Variants in FGGY observed in about 807,000 individuals in gnomAD.
FGGY encodes FGGY carbohydrate kinase domain containing, also known as FGGY carbohydrate kinase domain-containing protein.
Under a neutral mutation model 71.3 loss-of-function variants are expected in FGGY, and 72 were observed. The ratio of observed to expected loss-of-function variants is 1.01; its 90% CI spans 0.84 to 1.23. FGGY has a LOEUF of 1.23. Ranked by LOEUF, FGGY falls within the 50% of genes most tolerant of loss-of-function variation. FGGY has a pLI of 0.00. For missense variants in FGGY, 668 were observed against 682.3 expected, an observed-to-expected ratio of 0.98 and a Z score of 0.23; for synonymous variants, 251 against 250.3, an observed-to-expected ratio of 1.00 and a Z score of -0.02.
chr1:59,653,726 G>C (rs182078314), intron 11 of FGGY, among the ~76,000 whole-genome samples: 1 of 152,206 alleles, frequency 6.6e-6, no homozygotes, highest in Non-Finnish European at 1.5e-5. Flanking sequence ...CGTTGCTCAC[G>C]CTGGGAGCTG....
chr1:59,442,834 C>T (rs2070283725), intron 5 of FGGY, among the ~76,000 whole-genome samples: 1 of 152,154 alleles, frequency 6.6e-6, no homozygotes, highest in South Asian at 2.1e-4. Context: ...TCGTCCAACA[C>T]TTTTGTATTT....
chr1:59,421,764 G>T (rs1169111011), intron 5 of FGGY, among the ~76,000 whole-genome samples: 2 of 152,156 alleles, frequency 1.3e-5, no homozygotes, highest in Non-Finnish European at 2.9e-5. Context: ...TTTAGGGCAT[G>T]CCTTGACCTC....
At chr1:59,384,858 G>A (rs1202570773) in intron 5 of FGGY, among the ~76,000 whole-genome samples, 1 of 152,190 alleles carries the variant, frequency 6.6e-6, no homozygotes, top group Admixed American at 6.5e-5. Context: ...TAAGGAAGAT[G>A]AGGGTCTGAA....
intron 14 of FGGY, among the ~76,000 whole-genome samples, chr1:59,705,298 T>C (rs1448120691): frequency 6.6e-6 from 1 of 152,230 alleles, no homozygotes; most frequent in Non-Finnish European, 1.5e-5. Flanking sequence ...TCAGAATTTC[T>C]TGGAAATGTT....
At chr1:59,316,097 AG>A (rs1182819694) in intron 1 of FGGY, 1 of 152,222 alleles carries the variant, frequency 6.6e-6, no homozygotes, top group Non-Finnish European at 1.5e-5. Flanking sequence ...ATTAAGACTG[AG>A]GTGGGCAAGC....
At chr1:59,540,368 G>T (rs945635649) in intron 7 of FGGY, among the ~76,000 whole-genome samples, 3 of 152,176 alleles carry the variant, frequency 2.0e-5, no homozygotes, top group Admixed American at 2.0e-4. Flanking sequence ...TCAATGTTTG[G>T]TATATTCGTG....
intron 6 of FGGY, among the ~76,000 whole-genome samples, chr1:59,491,053 T>TCTTTCTTTCCCTCCCTCCCTC (rs1264370825): frequency 0.014 from 28 of 2,028 alleles, 3 homozygotes; most frequent in East Asian, 0.05. Context: ...CTTCCTTCCT[T>TCTTTCTTTCCCTCCCTCCCTC]CCTTCCTTCC....
chr1:59,758,946 G>GA (rs1035043230), intron 15 of FGGY, among the ~76,000 whole-genome samples: 21 of 152,266 alleles, frequency 1.4e-4, no homozygotes, highest in African/African-American at 4.8e-4. Flanking sequence ...ATGCAGATCA[G>GA]AAAAATCCCT....
intron 4 of FGGY, among the ~76,000 whole-genome samples, chr1:59,375,252 C>G (rs868388551): frequency 7.2e-6 from 1 of 138,802 alleles, no homozygotes; most frequent in Admixed American, 7.2e-5. Context: ...GAGTGAGACT[C>G]CATCTCAAAA....
chr1:59,671,369 C>T (rs1043724524), intron 13 of FGGY, among the ~76,000 whole-genome samples: 6 of 152,202 alleles, frequency 3.9e-5, no homozygotes, highest in Non-Finnish European at 8.8e-5. Flanking sequence ...AACAGTGTTT[C>T]CACCCCTGGG....
chr1:59,321,579 G>T lies in FGGY; in HGVS notation c.30G>T (p.Arg10Ser), dbSNP rs570075609. Residue 10 changes from arginine (R) to serine (S), a missense_variant, in exon 2 of 16, where the codon AGG (arginine) becomes AGT (serine). This residue lies in a region of FGGY where 7 missense variants were observed against 20.7 expected (regional missense o/e 0.34). Transcript: ENST00000303721. The stretch of plus-strand genomic sequence containing the variant: ...CTGGTGGAGAACAGAAACCAGAGAG[G>T]TACTATGTGGGTGTGGACGTTGGAA... MSGGEQKPE[R>S]YYVGVDVGTG... The T allele has an allele frequency of 1.2e-6, 2 of 1,613,964 alleles. No individual in the cohort carries two copies. The highest frequency in any genetic ancestry group is 2.7e-5 in the African/African-American group (2 of 75,054).
chr1:59,497,831 C>A (rs558078873), intron 6 of FGGY, among the ~76,000 whole-genome samples: 1 of 152,158 alleles, frequency 6.6e-6, no homozygotes, highest in Non-Finnish European at 1.5e-5. Context: ...GCAACTCTGT[C>A]GGCGCTGCTA....
intron 3 of FGGY, among the ~76,000 whole-genome samples, chr1:59,342,028 TAGAG>T (rs1280318050): frequency 6.6e-6 from 1 of 152,194 alleles, no homozygotes; most frequent in Non-Finnish European, 1.5e-5. Context: ...AGAGCCATGT[TAGAG>T]AGCCTGATTT....
chr1:59,675,815 G>T (rs1297485924), intron 14 of FGGY, among the ~76,000 whole-genome samples: 1 of 152,106 alleles, frequency 6.6e-6, no homozygotes, highest in East Asian at 1.9e-4. Flanking sequence ...CTGAATATTT[G>T]TATTCCTGCA....
chr1:59,339,081 A>G (rs2153196680), intron 2 of FGGY, among the ~76,000 whole-genome samples: 1 of 152,326 alleles, frequency 6.6e-6, no homozygotes, highest in East Asian at 1.9e-4. Context: ...ACTTTGTTTC[A>G]TGCACAAAAT....
chr1:59,689,207 CTGGCTTTG>C (rs2097570172), intron 14 of FGGY, among the ~76,000 whole-genome samples: 1 of 152,040 alleles, frequency 6.6e-6, no homozygotes, highest in South Asian at 2.1e-4. Context: ...AAAGAGTAGC[CTGGCTTTG>C]TGTAAGAAAT....
At chr1:59,492,165 G>A (rs975930244) in intron 6 of FGGY, among the ~76,000 whole-genome samples, 6 of 151,908 alleles carry the variant, frequency 3.9e-5, no homozygotes, top group East Asian at 1.9e-4. Flanking sequence ...ACTATAATGC[G>A]TCCATCAAGA....
intron 14 of FGGY, among the ~76,000 whole-genome samples, chr1:59,690,351 C>G (rs1422977217): frequency 2.0e-5 from 3 of 152,292 alleles, no homozygotes; most frequent in Non-Finnish European, 4.4e-5. Context: ...ACTTTGCACA[C>G]AAGGAACCTG....
intron 14 of FGGY, among the ~76,000 whole-genome samples, chr1:59,721,707 C>T (rs536628560): frequency 4.0e-5 from 6 of 151,516 alleles, no homozygotes; most frequent in East Asian, 3.8e-4. Context: ...TAGTATGGTG[C>T]GTTCGTTACA....
Sources: gnomAD v4.1 joint callset for allele counts (sites outside exome capture counted in the v4.1 genomes callset) on GRCh38, gnomAD v4.1.1 for gene constraint, gnomAD v4.1.1 regional missense constraint, MANE v1.5 for transcripts, NCBI Gene and HGNC (gene_info 2026-07-23, HGNC 2026-07-21) for gene names.